The following WASHC2A variants were observed in gnomAD, a reference collection of about 807,000 sequenced individuals.
The protein encoded by WASHC2A is WASH complex subunit 2A, also known as WASH complex subunit FAM21A.
In WASHC2A, 82 loss-of-function variants were observed where a neutral mutation model predicts 140.3. The ratio of observed to expected loss-of-function variants is 0.58; its 90% CI spans 0.49 to 0.70. The LOEUF (loss-of-function observed/expected upper bound fraction) is 0.70. WASHC2A is among the 30% of genes least tolerant of loss of function. The pLI, the probability that WASHC2A is intolerant of heterozygous loss-of-function variation, is 0.00. For missense variants in WASHC2A, 985 were observed against 1,521.8 expected, an observed-to-expected ratio of 0.65 and a Z score of 5.87; for synonymous variants, 340 against 560.8, an observed-to-expected ratio of 0.61 and a Z score of 5.56.
Position 50,109,871 on chromosome 10 carries a change from T to G in WASHC2A, c.1870-230T>G, listed in dbSNP as rs1297239440. On this transcript the variant is annotated intron_variant, in intron 19 of 30. Transcript: ENST00000282633. ...TGCAAGCTCTGCCTCCTGGGTTCAC[T>G]CCATTCTCCTGCCTCAGCCTCCCGA... Among the ~76,000 whole-genome samples, 22 of 151,868 alleles carry G rather than the reference T, an allele frequency of 1.4e-4. 1 individual carries two copies. Among genetic ancestry groups the G allele is most frequent in the Middle Eastern group, 3.2e-3 (1 of 316 alleles).
intron 17 of WASHC2A, among the ~76,000 whole-genome samples, chr10:50,101,538 G>A (rs1375086260): frequency 1.3e-5 from 2 of 152,294 alleles, no homozygotes; most frequent in Non-Finnish European, 2.9e-5. Flanking sequence ...GCAGGACTTT[G>A]TATTCCCTAT....
Position 50,121,654 on chromosome 10 carries a change from G to A in WASHC2A, c.2478+1885G>A, listed in dbSNP as rs1265507605. ...GGTGATCCACCTGCCTTAGCCTCCC[G>A]AAGTGCTGGGATTACAGGCATGAGC... On this transcript the variant is annotated intron_variant, in intron 23 of 30. Coordinates refer to ENST00000282633, the MANE Select transcript of WASHC2A (RefSeq NM_001005751.3). Among the ~76,000 whole-genome samples the A allele has an allele frequency of 1.9e-4, 28 of 149,022 alleles. No homozygotes were observed. In the East Asian group the frequency reaches 4.3e-3, roughly 23 times the overall value.
chr10:50,086,578 A>C, intron 7 of WASHC2A, among the ~76,000 whole-genome samples: 1 of 143,982 alleles, frequency 6.9e-6, no homozygotes, highest in Non-Finnish European at 1.5e-5. Flanking sequence ...TATATCTCCC[A>C]ATGCTATCCC....
chr10:50,123,987 T>G (rs1349541547), intron 23 of WASHC2A, among the ~76,000 whole-genome samples: 1 of 152,224 alleles, frequency 6.6e-6, no homozygotes, highest in African/African-American at 2.4e-5. Context: ...TGTGAAATAT[T>G]TAACATTACT....
intron 11 of WASHC2A, among the ~76,000 whole-genome samples, chr10:50,092,782 A>G (rs2132577733): frequency 6.6e-6 from 1 of 152,096 alleles, no homozygotes; most frequent in East Asian, 1.9e-4. Context: ...GTCTTCCTAG[A>G]ATTCTTAGAA....
chr10:50,106,264 T>C (rs1191607672), intron 18 of WASHC2A, 70 bp from the exon 19 acceptor site: 2 of 1,411,118 alleles, frequency 1.4e-6, no homozygotes, highest in Non-Finnish European at 2.0e-6. Flanking sequence ...CCTTAAAGTT[T>C]GATATAGGAG....
At position 50,069,471 on chromosome 10, in the gene WASHC2A, G is replaced by T. The variant is rs1161999499; in HGVS notation, c.127-76G>T. On this transcript the variant is annotated intron_variant, in intron 2 of 30. Coordinates refer to ENST00000282633, the MANE Select transcript of WASHC2A (RefSeq NM_001005751.3). Reference sequence around the variant, plus strand: ...CTAACACTCAAAGGTGAAAGGAAATGGGTTCTTTTTTGATGTGACATGCAG... The same window carrying T: ...CTAACACTCAAAGGTGAAAGGAAATTGGTTCTTTTTTGATGTGACATGCAG... 4 of 1,493,880 alleles carry T rather than the reference G, an allele frequency of 2.7e-6. No homozygotes were observed. In the Admixed American group the frequency reaches 6.8e-5, roughly 25 times the overall value. The allele number at this position is 1,493,880 out of a possible 1,614,324, so 92.5% of individuals were successfully genotyped here.
Position 50,132,907 on chromosome 10 carries a change from A to T in WASHC2A, c.3988A>T (p.Ile1330Phe), listed in dbSNP as rs1242012002. Residue 1330 changes from isoleucine (I) to phenylalanine (F), a missense_variant, in exon 31 of 31, where the codon ATC (isoleucine) becomes TTC (phenylalanine). Physicochemically the swap from Ile to Phe is conservative, Grantham distance 21. Transcript: ENST00000282633. ...EPRFEHKVSN[I>F]FDDPLNAFGG... ...AAGATTTGAACACAAGGTGTCCAACATCTTTGATGATCCCCTGAATGCCTT... is the reference window on the plus strand; with the variant it reads ...AAGATTTGAACACAAGGTGTCCAACTTCTTTGATGATCCCCTGAATGCCTT... 1.2e-6 allele frequency: 2 copies of T among 1,612,034 alleles called. No individual in the cohort carries two copies. The highest frequency in any genetic ancestry group is 1.7e-6 in the Non-Finnish European group (2 of 1,179,840).
At chr10:50,078,521 G>C (rs1838581049) in intron 3 of WASHC2A, 154 bp from the exon 4 acceptor site, 1 of 955,190 alleles carries the variant, frequency 1.0e-6, no homozygotes, top group Admixed American at 6.2e-5. Context: ...ATGACCCACT[G>C]TTACGGACAC....
At chr10:50,079,867 G>T (rs1331245431) in intron 4 of WASHC2A, among the ~76,000 whole-genome samples, 5 of 151,562 alleles carry the variant, frequency 3.3e-5, no homozygotes, top group African/African-American at 1.2e-4. Flanking sequence ...TACAATATTA[G>T]CTATTTAACT....
intron 22 of WASHC2A, among the ~76,000 whole-genome samples, 193 bp downstream of exon 22, chr10:50,118,251 C>T (rs1842822091): frequency 1.5e-5 from 1 of 65,092 alleles, no homozygotes; most frequent in Admixed American, 2.1e-4. Context: ...CGGCCCTTCT[C>T]CAAGACATGT....
chr10:50,131,522 G>C (rs1843972534), intron 30 of WASHC2A, among the ~76,000 whole-genome samples: 1 of 152,164 alleles, frequency 6.6e-6, no homozygotes, highest in African/African-American at 2.4e-5. Flanking sequence ...TCTAGACCTG[G>C]GTGTAGGCTC....
At position 50,095,165 on chromosome 10, in the gene WASHC2A, C is replaced by A. The variant is rs782749852; in HGVS notation, c.1198C>A (p.Pro400Thr). ...SVKEESSSSK[P>T]GKKIPAGAVS... ...CATTCTAGAGTCTTCATCATCCAAA[C>A]CTGGAAAGAAAATCCCAGCAGGAGC... is the stretch of plus-strand genomic sequence containing the variant. Residue 400 changes from proline to threonine, a missense_variant, in exon 14 of 31, where the codon CCT becomes ACT. Pro to Thr is a conservative substitution (Grantham distance 38). Coordinates refer to ENST00000282633, the MANE Select transcript of WASHC2A (RefSeq NM_001005751.3). 7.6e-6 allele frequency: 12 copies of A among 1,589,184 alleles called. No individual in the cohort carries two copies. In the African/African-American group the frequency reaches 1.5e-4, roughly 20 times the overall value.
chr10:50,131,174 T>G (rs1361230041), intron 30 of WASHC2A, 96 bp downstream of exon 30: 5 of 1,570,680 alleles, frequency 3.2e-6, no homozygotes, highest in Admixed American at 1.7e-5. Flanking sequence ...TTCTGGAAAA[T>G]GCACCCCAGC....
chr10:50,072,653 A>AT lies in WASHC2A; in HGVS notation c.291+2950dup, dbSNP rs540143262. ...AGGCACCCGCCACCACACCTGGCTA[A>AT]TTTTTTTTGCATTTTTAGTAGAGAT... On this transcript the variant is annotated intron_variant, in intron 3 of 30. Coordinates refer to ENST00000282633, the MANE Select transcript of WASHC2A (RefSeq NM_001005751.3). 4.0e-3 allele frequency among the ~76,000 whole-genome samples: 598 copies of AT among 151,168 alleles called. 3 individuals are homozygous for AT. Among genetic ancestry groups the AT allele is most frequent in the African/African-American group, 0.014 (568 of 41,212 alleles).
chr10:50,123,833 C>CA (rs1440152430), intron 23 of WASHC2A, among the ~76,000 whole-genome samples: 1 of 149,802 alleles, frequency 6.7e-6, no homozygotes, highest in African/African-American at 2.5e-5. Context: ...TTTATTTCTA[C>CA]AAAAAATGTT....
intron 9 of WASHC2A, 22 bp downstream of exon 9, chr10:50,090,908 A>C: frequency 6.2e-7 from 1 of 1,608,426 alleles, no homozygotes; most frequent in South Asian, 1.1e-5. Flanking sequence ...TGTAGTTGCT[A>C]TCACTTGGCA....
At chr10:50,104,222 C>G (rs1408268658) in intron 18 of WASHC2A, 79 bp downstream of exon 18, 120 of 1,481,022 alleles carry the variant, frequency 8.1e-5, no homozygotes, top group Middle Eastern at 2.5e-4. Flanking sequence ...CCCAGAGGCT[C>G]ATATACTAGC....
rs1481997917 is a variant in WASHC2A, at chr10:50,133,074, A to G, written c.*129A>G. Reference sequence around the variant, plus strand: ...GAACAGCTAGCTCATCGTTCACCCAATGTACTTGGTATTTTTCTGCACTGG... The same window carrying G: ...GAACAGCTAGCTCATCGTTCACCCAGTGTACTTGGTATTTTTCTGCACTGG... On this transcript the variant is annotated 3_prime_UTR_variant, in exon 31 of 31. Coordinates refer to ENST00000282633, the MANE Select transcript of WASHC2A (RefSeq NM_001005751.3). The G allele has an allele frequency of 3.2e-5, 50 of 1,562,656 alleles. No homozygotes were observed. Among genetic ancestry groups the G allele is most frequent in the South Asian group, 9.6e-5 (8 of 83,080 alleles).
Sources: gnomAD v4.1 joint callset for allele counts (sites outside exome capture counted in the v4.1 genomes callset) on GRCh38, gnomAD v4.1.1 for gene constraint, MANE v1.5 for transcripts, NCBI Gene and HGNC (gene_info 2026-07-23, HGNC 2026-07-21) for gene names.